Variants in OTUD7A observed in about 807,000 individuals in gnomAD.
The protein encoded by OTUD7A is OTU deubiquitinase 7A.
In OTUD7A, 12 loss-of-function variants were observed where a neutral mutation model predicts 65.7. The observed-to-expected ratio is 0.18, with a 90% CI of 0.12 to 0.30. The LOEUF (loss-of-function observed/expected upper bound fraction) is 0.30, where lower values mean the gene tolerates loss of function less well. Among genes scored for constraint, OTUD7A ranks in the 10% least tolerant of loss-of-function variants. The pLI is 1.00. For missense variants in OTUD7A, 1,148 were observed against 1,304.8 expected, an observed-to-expected ratio of 0.88 and a Z score of 1.85; for synonymous variants, 641 against 586.3, an observed-to-expected ratio of 1.09 and a Z score of -1.35.
rs2041141326 is a variant in OTUD7A, at chr15:31,482,511, G to A, written c.*783C>T. ...TATGAGCAAATCCAAATTGTGAGAT[G>A]GGAACCCTGCTTTTTGGACCCTAGG... On this transcript the variant is annotated 3_prime_UTR_variant, in exon 13 of 13. Coordinates refer to ENST00000307050, the MANE Select transcript of OTUD7A (RefSeq NM_001382637.1). The A allele has an allele frequency of 1.3e-5, 2 of 152,318 alleles. No individual in the cohort carries two copies. Among genetic ancestry groups the A allele is most frequent in the African/African-American group, 2.4e-5 (1 of 41,464 alleles). The allele number at this position is 152,318 out of a possible 1,614,324, so 9.4% of individuals were successfully genotyped here. A position where few individuals can be genotyped will look rare whatever the true frequency, so the allele number is the denominator to read the frequency against.
chr15:31,518,174 T>C (rs950149100), intron 8 of OTUD7A, among the ~76,000 whole-genome samples: 1 of 151,876 alleles, frequency 6.6e-6, no homozygotes, highest in African/African-American at 2.4e-5. Flanking sequence ...TACCCTTCCA[T>C]AAAAAAAGTA....
At chr15:31,629,193 A>T (rs942471014) in intron 3 of OTUD7A, among the ~76,000 whole-genome samples, 2 of 152,116 alleles carry the variant, frequency 1.3e-5, no homozygotes, top group Non-Finnish European at 2.9e-5. Flanking sequence ...GAATGCTTCC[A>T]GTTTTTGCCC....
At chr15:31,627,122 G>A (rs1383022275) in intron 3 of OTUD7A, among the ~76,000 whole-genome samples, 2 of 151,688 alleles carry the variant, frequency 1.3e-5, no homozygotes, top group African/African-American at 4.8e-5. Flanking sequence ...TAAGTTTTAG[G>A]GTACATGTGC....
At chr15:31,561,755 C>T (rs2141161606) in intron 4 of OTUD7A, among the ~76,000 whole-genome samples, 1 of 151,416 alleles carries the variant, frequency 6.6e-6, no homozygotes, top group East Asian at 1.9e-4. Context: ...GGAATGCACA[C>T]ATATCATCTC....
intron 3 of OTUD7A, among the ~76,000 whole-genome samples, chr15:31,620,130 G>A (rs1302692057): frequency 6.6e-6 from 1 of 152,160 alleles, no homozygotes; most frequent in Non-Finnish European, 1.5e-5. Context: ...CTTGATCATG[G>A]TGGACAAGCT....
intron 1 of OTUD7A, among the ~76,000 whole-genome samples, chr15:31,853,361 A>G (rs1383853655): frequency 1.3e-5 from 2 of 152,242 alleles, no homozygotes; most frequent in Non-Finnish European, 2.9e-5. Context: ...ACAATGAAAA[A>G]GGAAAGGGAG....
At chr15:31,763,052 G>A (rs140466339) in intron 1 of OTUD7A, among the ~76,000 whole-genome samples, 1 of 152,302 alleles carries the variant, frequency 6.6e-6, no homozygotes, top group East Asian at 1.9e-4. Context: ...TGAGGCTGAG[G>A]CAGGCGGATC....
Position 31,482,048 on chromosome 15 carries a change from C to T in OTUD7A, c.*1246G>A, listed in dbSNP as rs2041128808. On this transcript the variant is annotated 3_prime_UTR_variant, in exon 13 of 13. Coordinates refer to ENST00000307050, the MANE Select transcript of OTUD7A (RefSeq NM_001382637.1). ...GTCCTTGGCCAAGAACGGTGTTCTCCGGAGGTAATCTTGGAAGGAAGAGGC... is the reference window on the plus strand; with the variant it reads ...GTCCTTGGCCAAGAACGGTGTTCTCTGGAGGTAATCTTGGAAGGAAGAGGC... 2 of 152,202 alleles carry T rather than the reference C, an allele frequency of 1.3e-5. No homozygotes were observed. The highest frequency in any genetic ancestry group is 2.4e-5 in the African/African-American group (1 of 41,448). The allele number at this position is 152,202 out of a possible 1,614,324, so 9.4% of individuals were successfully genotyped here.
chr15:31,585,642 C>T (rs1295229698), intron 3 of OTUD7A, among the ~76,000 whole-genome samples: 5 of 152,200 alleles, frequency 3.3e-5, no homozygotes, highest in African/African-American at 7.2e-5. Flanking sequence ...AGCTGGGGTG[C>T]AAGCCTCTAA....
At chr15:31,561,210 G>A (rs1888676646) in intron 4 of OTUD7A, among the ~76,000 whole-genome samples, 1 of 152,046 alleles carries the variant, frequency 6.6e-6, no homozygotes, top group Non-Finnish European at 1.5e-5. Context: ...GAGGGAGGGA[G>A]CACATGGGCC....
At chr15:31,774,102 G>C (rs1281270983) in intron 1 of OTUD7A, among the ~76,000 whole-genome samples, 1 of 152,216 alleles carries the variant, frequency 6.6e-6, no homozygotes, top group South Asian at 2.1e-4. Context: ...AGTCTGAGAG[G>C]CTTCTTTTCT....
intron 1 of OTUD7A, among the ~76,000 whole-genome samples, chr15:31,817,276 C>CT (rs982255455): frequency 1.3e-4 from 3 of 23,850 alleles, no homozygotes; most frequent in Non-Finnish European, 2.0e-4. Context: ...AGATCATTTG[C>CT]CCCCCCCCAT....
chr15:31,581,254 G>C (rs1159445519), intron 3 of OTUD7A, among the ~76,000 whole-genome samples: 1 of 152,218 alleles, frequency 6.6e-6, no homozygotes, highest in Non-Finnish European at 1.5e-5. Flanking sequence ...GGCTTTGCAG[G>C]GTACAGCCCT....
At chr15:31,639,247 T>C (rs151101199) in intron 3 of OTUD7A, among the ~76,000 whole-genome samples, 127 of 152,246 alleles carry the variant, frequency 8.3e-4, no homozygotes, top group African/African-American at 3.0e-3. Flanking sequence ...TTTACATAAG[T>C]GGAATTGCAC....
intron 3 of OTUD7A, among the ~76,000 whole-genome samples, chr15:31,644,484 T>A (rs2141265509): frequency 6.6e-6 from 1 of 152,218 alleles, no homozygotes; most frequent in South Asian, 2.1e-4. Flanking sequence ...ATTTATTTAC[T>A]TTTATTTTTT....
intron 8 of OTUD7A, among the ~76,000 whole-genome samples, chr15:31,505,534 A>G (rs1310327869): frequency 3.9e-5 from 6 of 152,068 alleles, no homozygotes; most frequent in Non-Finnish European, 4.4e-5. Flanking sequence ...ACTCTATTTT[A>G]CTTTTTACAA....
chr15:31,700,063 C>G (rs1041336739), intron 1 of OTUD7A, among the ~76,000 whole-genome samples: 1 of 151,612 alleles, frequency 6.6e-6, no homozygotes, highest in South Asian at 2.1e-4. Context: ...AAGTCACCCC[C>G]TGCTAATGAC....
At chr15:31,589,030 G>A (rs1014210928) in intron 3 of OTUD7A, among the ~76,000 whole-genome samples, 10 of 152,216 alleles carry the variant, frequency 6.6e-5, no homozygotes, top group Admixed American at 2.6e-4. Flanking sequence ...GTGCAAGGGA[G>A]ACTGGGACAT....
At chr15:31,485,098 C>T (rs1026825884) in intron 12 of OTUD7A, among the ~76,000 whole-genome samples, 4 of 152,188 alleles carry the variant, frequency 2.6e-5, no homozygotes, top group Non-Finnish European at 5.9e-5. Flanking sequence ...TCCCCAGAGC[C>T]TTGTCACAAT....
Sources: allele counts gnomAD v4.1 joint callset (sites outside exome capture counted in the v4.1 genomes callset), GRCh38; gene constraint gnomAD v4.1.1; transcripts MANE v1.5; gene names NCBI Gene and HGNC (gene_info 2026-07-23, HGNC 2026-07-21).